DHX15: variants seen among roughly 807,000 people sequenced by gnomAD.
DHX15 encodes the protein ATP-dependent RNA helicase DHX15.
A neutral mutation model predicts 94.4 loss-of-function variants in DHX15; 11 were observed. That is an observed-to-expected ratio of 0.12 (90% CI 0.07 to 0.19). The LOEUF is 0.19. DHX15 is among the 10% of genes least tolerant of loss of function. The pLI is 1.00. For missense variants in DHX15, 304 were observed against 988.5 expected, an observed-to-expected ratio of 0.31 and a Z score of 9.29; for synonymous variants, 338 against 329.9, an observed-to-expected ratio of 1.02 and a Z score of -0.27.
At chr4:24,581,793 T>C (rs913187945) in intron 1 of DHX15, among the ~76,000 whole-genome samples, 1 of 152,196 alleles carries the variant, frequency 6.6e-6, no homozygotes, top group Non-Finnish European at 1.5e-5. Flanking sequence ...TATGGAAAAT[T>C]ATTACTTTCG....
chr4:24,539,330 C>T (rs536327178), intron 10 of DHX15, among the ~76,000 whole-genome samples: 6 of 152,054 alleles, frequency 3.9e-5, no homozygotes, highest in Non-Finnish European at 5.9e-5. Context: ...ATATTTTAAT[C>T]GTCAGTAAGA....
At chr4:24,573,159 C>G (rs1028124183) in intron 2 of DHX15, among the ~76,000 whole-genome samples, 1 of 152,210 alleles carries the variant, frequency 6.6e-6, no homozygotes, top group Non-Finnish European at 1.5e-5. Flanking sequence ...AATCTGCCCG[C>G]CTCAGCATCC....
chr4:24,565,261 T>C (rs1363861850), intron 3 of DHX15, among the ~76,000 whole-genome samples: 2 of 152,186 alleles, frequency 1.3e-5, no homozygotes, highest in Non-Finnish European at 1.5e-5. Flanking sequence ...ACAAAACATG[T>C]AGAGCCTCAG....
At chr4:24,573,405 C>A (rs981798181) in intron 2 of DHX15, among the ~76,000 whole-genome samples, 1 of 152,174 alleles carries the variant, frequency 6.6e-6, no homozygotes, top group Admixed American at 6.5e-5. Flanking sequence ...CATCTTAGAG[C>A]TAACGGTCAT....
intron 1 of DHX15, among the ~76,000 whole-genome samples, chr4:24,582,318 G>C (rs1031184346): frequency 6.6e-6 from 1 of 152,126 alleles, no homozygotes; most frequent in Non-Finnish European, 1.5e-5. Flanking sequence ...ATATACAAGG[G>C]AATCATAAAG....
intron 2 of DHX15, among the ~76,000 whole-genome samples, chr4:24,574,078 C>T (rs1194133042): frequency 4.0e-5 from 6 of 150,544 alleles, no homozygotes; most frequent in East Asian, 3.9e-4. Context: ...TGGTGGTGCG[C>T]GCTTGTAGTC....
chr4:24,533,272 G>T lies in DHX15; in HGVS notation c.1910-218C>A, dbSNP rs368748801. On this transcript the variant is annotated intron_variant, in intron 11 of 13. Transcript: ENST00000336812. ...AACAGTAACAAGGCTTTTGGATTTGGATGCCAAAACAATGCTTTTGAATTA... is the reference window on the plus strand; with the variant it reads ...AACAGTAACAAGGCTTTTGGATTTGTATGCCAAAACAATGCTTTTGAATTA... 19 of 568,084 alleles carry T rather than the reference G, an allele frequency of 3.3e-5. 1 individual carries two copies. Among genetic ancestry groups the T allele is most frequent in the African/African-American group, 2.1e-4 (11 of 53,550 alleles). The allele number at this position is 568,084 out of a possible 1,614,324, so 35.2% of individuals were successfully genotyped here.
intron 3 of DHX15, among the ~76,000 whole-genome samples, chr4:24,568,618 T>A (rs771634755): frequency 2.2e-4 from 33 of 152,300 alleles, no homozygotes; most frequent in Admixed American, 5.9e-4. Context: ...CTACTACACA[T>A]ACACACAGCA....
chr4:24,571,782 T>C (rs1007737331), intron 2 of DHX15, among the ~76,000 whole-genome samples: 2 of 152,246 alleles, frequency 1.3e-5, no homozygotes, highest in African/African-American at 4.8e-5. Context: ...TGCACTATTA[T>C]TACATTTTAG....
chr4:24,573,126 G>T (rs1206665583), intron 2 of DHX15, among the ~76,000 whole-genome samples: 2 of 152,140 alleles, frequency 1.3e-5, no homozygotes, highest in Admixed American at 1.3e-4. Flanking sequence ...GGCCAGGCTG[G>T]TCTCAAACCC....
intron 2 of DHX15, among the ~76,000 whole-genome samples, chr4:24,576,012 A>C (rs566412545): frequency 1.5e-4 from 23 of 152,336 alleles, no homozygotes; most frequent in African/African-American, 5.5e-4. Flanking sequence ...GCCATACATA[A>C]GGTAACAAAA....
intron 5 of DHX15, among the ~76,000 whole-genome samples, chr4:24,551,833 G>A (rs566197451): frequency 3.9e-5 from 6 of 152,232 alleles, no homozygotes; most frequent in African/African-American, 9.6e-5. Flanking sequence ...AAAATATCCA[G>A]ATTTCACACA....
intron 2 of DHX15, among the ~76,000 whole-genome samples, chr4:24,575,584 T>C (rs575657028): frequency 6.6e-6 from 1 of 152,272 alleles, no homozygotes; most frequent in Non-Finnish European, 1.5e-5. Flanking sequence ...ATTGATACGC[T>C]CCCTCTGGAA....
intron 1 of DHX15, among the ~76,000 whole-genome samples, chr4:24,579,106 A>T (rs528744742): frequency 2.8e-4 from 42 of 152,220 alleles, no homozygotes; most frequent in Non-Finnish European, 5.7e-4. Context: ...GCTGCTGATC[A>T]AGCAATGGCG....
At chr4:24,528,084 T>C in intron 13 of DHX15, 43 bp from the exon 14 acceptor site, 1 of 1,370,558 alleles carries the variant, frequency 7.3e-7, no homozygotes, top group Non-Finnish European at 1.0e-6. Flanking sequence ...TAACATTTAA[T>C]TGAAGTACTG....
At chr4:24,566,449 C>T (rs1443015488) in intron 3 of DHX15, among the ~76,000 whole-genome samples, 1 of 152,142 alleles carries the variant, frequency 6.6e-6, no homozygotes, top group African/African-American at 2.4e-5. Context: ...CCAAAGAATC[C>T]GCTATGGCAA....
intron 6 of DHX15, among the ~76,000 whole-genome samples, chr4:24,546,893 T>C (rs7663367): frequency 0.23 from 34,840 of 152,096 alleles, 5,118 homozygotes; most frequent in Non-Finnish European, 0.33. Context: ...TATCCTTATA[T>C]TAGAACAGTT....
chr4:24,559,219 T>G (rs918841135), intron 3 of DHX15, among the ~76,000 whole-genome samples: 17 of 151,898 alleles, frequency 1.1e-4, no homozygotes, highest in Non-Finnish European at 2.9e-5. Context: ...AGCCAAGGAA[T>G]GCTAAGGACT....
intron 8 of DHX15, 69 bp downstream of exon 8, chr4:24,541,804 T>A: frequency 7.1e-7 from 1 of 1,417,698 alleles, no homozygotes; most frequent in South Asian, 1.5e-5. Flanking sequence ...AATAAGGCAA[T>A]GTTCTTCTGG....
Sources: allele counts gnomAD v4.1 joint callset (sites outside exome capture counted in the v4.1 genomes callset), GRCh38; gene constraint gnomAD v4.1.1; transcripts MANE v1.5; gene names NCBI Gene and HGNC (gene_info 2026-07-23, HGNC 2026-07-21).